Variants in SRBD1 observed in about 807,000 individuals in gnomAD.
SRBD1 encodes S1 RNA-binding domain-containing protein 1.
Under a neutral mutation model 115.3 loss-of-function variants are expected in SRBD1, and 88 were observed. The ratio of observed to expected loss-of-function variants is 0.76; its 90% CI spans 0.64 to 0.91. The LOEUF (loss-of-function observed/expected upper bound fraction) is 0.91. Among genes scored for constraint, SRBD1 ranks in the 40% least tolerant of loss-of-function variants. The pLI is 0.00. For synonymous variants in SRBD1, 509 were observed against 407.7 expected (o/e 1.25, Z -2.99); for missense variants, 1,385 against 1,177.4 (o/e 1.18, Z -2.58).
intron 16 of SRBD1, among the ~76,000 whole-genome samples, chr2:45,455,955 T>G (rs1376670655): frequency 3.3e-5 from 5 of 151,802 alleles, no homozygotes; most frequent in African/African-American, 1.2e-4. Context: ...ATCACTACAG[T>G]TTCACCTTAG....
chr2:45,510,985 T>C (rs1670949797), intron 14 of SRBD1, among the ~76,000 whole-genome samples: 1 of 152,166 alleles, frequency 6.6e-6, no homozygotes. Flanking sequence ...CCTAGGATTA[T>C]AGTTATAAAA....
At chr2:45,500,714 C>G (rs1670605683) in intron 14 of SRBD1, among the ~76,000 whole-genome samples, 1 of 152,152 alleles carries the variant, frequency 6.6e-6, no homozygotes, top group Admixed American at 6.5e-5. Flanking sequence ...CCACAGCCAG[C>G]CAACAGTATT....
At chr2:45,497,947 T>A (rs1212110361) in intron 14 of SRBD1, among the ~76,000 whole-genome samples, 1 of 152,078 alleles carries the variant, frequency 6.6e-6, no homozygotes, top group Admixed American at 6.5e-5. Context: ...GGCAGGAGAA[T>A]CGCTTGAGAT....
intron 14 of SRBD1, among the ~76,000 whole-genome samples, chr2:45,544,468 C>T (rs1483295941): frequency 6.6e-6 from 1 of 152,102 alleles, no homozygotes. Flanking sequence ...CAGTAGGTGG[C>T]AGGCCTGAAC....
intron 14 of SRBD1, among the ~76,000 whole-genome samples, chr2:45,540,704 C>G (rs1671906405): frequency 6.6e-6 from 1 of 151,976 alleles, no homozygotes; most frequent in East Asian, 1.9e-4. Flanking sequence ...TTTTTAAATG[C>G]AAAGATTTGA....
intron 15 of SRBD1, among the ~76,000 whole-genome samples, chr2:45,484,246 T>A (rs978404754): frequency 2.0e-5 from 3 of 152,162 alleles, no homozygotes; most frequent in African/African-American, 7.2e-5. Flanking sequence ...TTTTGCCCAG[T>A]GGTAAGGCTT....
In SRBD1 at chr2:45,599,661, C is replaced by A. The variant is rs1161542274; in HGVS notation, c.436G>T (p.Glu146Ter). The A allele has an allele frequency of 4.3e-6, 7 of 1,614,240 alleles. No individual in the cohort carries two copies. The Admixed American group carries it at 1.2e-4, about 27-fold the overall frequency. ...GTCTCTGAACTATTACTCTCACCCT[C>A]TAAGTTGCTGGCTTTGCTGGTTTCT... ...EEETSKASNL[E>*]GESNSSETPS... is the part of the protein sequence containing the mutation. Residue 146 changes from glutamate to a stop codon, truncating the protein, a stop_gained, in exon 4 of 21, where the codon GAG (glutamate) becomes TAG (stop). Transcript: ENST00000263736. LOFTEE classifies it high-confidence loss of function.
chr2:45,601,853 C>A (rs1674101736), intron 3 of SRBD1, 50 bp downstream of exon 3: 1 of 1,586,668 alleles, frequency 6.3e-7, no homozygotes, highest in African/African-American at 1.4e-5. Flanking sequence ...AATAACATCA[C>A]CAATCAGGAA....
intron 4 of SRBD1, among the ~76,000 whole-genome samples, chr2:45,597,772 G>T (rs1038473383): frequency 6.6e-6 from 1 of 152,154 alleles, no homozygotes; most frequent in Non-Finnish European, 1.5e-5. Flanking sequence ...TCATTATAAA[G>T]AGCTTATATA....
intron 16 of SRBD1, among the ~76,000 whole-genome samples, chr2:45,474,327 A>G (rs1202534788): frequency 1.3e-5 from 2 of 152,090 alleles, no homozygotes; most frequent in Admixed American, 6.5e-5. Context: ...CAGAGTCCCT[A>G]ACTGTCTGTC....
At chr2:45,593,710 C>G (rs528258216) in intron 4 of SRBD1, among the ~76,000 whole-genome samples, 2 of 152,304 alleles carry the variant, frequency 1.3e-5, no homozygotes, top group South Asian at 4.1e-4. Context: ...CACTCCCAAA[C>G]CAGCGACTGG....
At position 45,573,263 on chromosome 2, in the gene SRBD1, T is replaced by C. The variant is rs370277116; in HGVS notation, c.1249A>G (p.Lys417Glu). The C allele has an allele frequency of 1.4e-5, 23 of 1,612,484 alleles. No individual in the cohort carries two copies. The highest frequency in any genetic ancestry group is 2.0e-5 in the Non-Finnish European group (23 of 1,179,356). Residue 417 changes from lysine (K) to glutamate (E), a missense_variant, in exon 9 of 21, where the codon AAG becomes GAG. Physicochemically the swap from Lys to Glu is moderately conservative, Grantham distance 56. Transcript: ENST00000263736. ...SKKVNEKDVDKFLLYQHFSCN... is the reference protein window; with the variant it reads ...SKKVNEKDVDEFLLYQHFSCN... ...GAAAAATGCTGGTAGAGCAGAAACT[T>C]ATCAACATCTTTCTCATTTACCTTT...
At chr2:45,432,237 C>A (rs1396051779) in intron 16 of SRBD1, among the ~76,000 whole-genome samples, 4 of 152,050 alleles carry the variant, frequency 2.6e-5, no homozygotes, top group African/African-American at 7.2e-5. Flanking sequence ...CCATATTGGT[C>A]AGGCTGGTCT....
chr2:45,477,172 C>A, intron 15 of SRBD1, 97 bp from the exon 16 acceptor site: 1 of 913,840 alleles, frequency 1.1e-6, no homozygotes, highest in Middle Eastern at 2.8e-4. Context: ...GTACTTAATC[C>A]TGTCCCTCCT....
chr2:45,583,179 T>C (rs1673418470), intron 5 of SRBD1, among the ~76,000 whole-genome samples: 1 of 150,144 alleles, frequency 6.7e-6, no homozygotes, highest in Non-Finnish European at 1.5e-5. Context: ...TTCAAAATGA[T>C]CGATGGAAAA....
In SRBD1 at chr2:45,414,785, C is replaced by CAGTGTGTATATAGTATGTACACACACAT. The variant is rs1558563497; in HGVS notation, c.2334-1493_2334-1492insATGTGTGTGTACATACTATATACACACT. 4.4e-4 allele frequency among the ~76,000 whole-genome samples: 25 copies of CAGTGTGTATATAGTATGTACACACACAT among 56,386 alleles called. 2 individuals are homozygous for CAGTGTGTATATAGTATGTACACACACAT. Among genetic ancestry groups the CAGTGTGTATATAGTATGTACACACACAT allele is most frequent in the South Asian group, 8.5e-4 (2 of 2,350 alleles). 37.0% of individuals were successfully genotyped at this position (56,386 alleles called of 152,430 possible). A position where few individuals can be genotyped will look rare whatever the true frequency, so the allele number is the denominator to read the frequency against. On this transcript the variant is annotated intron_variant, in intron 18 of 20. Coordinates refer to ENST00000263736, the MANE Select transcript of SRBD1 (RefSeq NM_018079.5). ...TGTGTATATAGTATGTACACACACA[C>CAGTGTGTATATAGTATGTACACACACAT]ATAGTGTGTATATAGTATGTACACA...
Position 45,547,689 on chromosome 2 carries a change from T to C in SRBD1, c.1676-77A>G, listed in dbSNP as rs937735188. ...CACATGAATGATTTTGTTAAGCAAGTTGTAACAGAAAAGGAGACTGGCTTG... is the reference window on the plus strand; with the variant it reads ...CACATGAATGATTTTGTTAAGCAAGCTGTAACAGAAAAGGAGACTGGCTTG... On this transcript the variant is annotated intron_variant, in intron 12 of 20. Coordinates refer to ENST00000263736, the MANE Select transcript of SRBD1 (RefSeq NM_018079.5). 9 of 1,253,644 alleles carry C rather than the reference T, an allele frequency of 7.2e-6. 1 individual carries two copies. Among genetic ancestry groups the C allele is most frequent in the African/African-American group, 6.1e-5 (4 of 65,746 alleles). 77.7% of individuals were successfully genotyped at this position (1,253,644 alleles called of 1,614,324 possible). A position where few individuals can be genotyped will look rare whatever the true frequency, so the allele number is the denominator to read the frequency against.
At chr2:45,422,594 A>C (rs1668038468) in intron 16 of SRBD1, among the ~76,000 whole-genome samples, 1 of 152,250 alleles carries the variant, frequency 6.6e-6, no homozygotes, top group Non-Finnish European at 1.5e-5. Flanking sequence ...ATGTGAGAGG[A>C]ATACAACATA....
intron 16 of SRBD1, among the ~76,000 whole-genome samples, chr2:45,438,161 C>T (rs1032903867): frequency 2.0e-5 from 3 of 152,014 alleles, no homozygotes; most frequent in African/African-American, 7.3e-5. Context: ...TGTTGCGAAC[C>T]TAAAACTGCT....
Sources: allele counts gnomAD v4.1 joint callset (sites outside exome capture counted in the v4.1 genomes callset), GRCh38; gene constraint gnomAD v4.1.1; transcripts MANE v1.5; gene names NCBI Gene and HGNC (gene_info 2026-07-23, HGNC 2026-07-21).